The following NHLRC2 variants were observed in gnomAD, a reference collection of about 807,000 sequenced individuals.
NHLRC2 encodes NHL repeat-containing protein 2.
Under a neutral mutation model 68.1 loss-of-function variants are expected in NHLRC2, and 33 were observed. The observed-to-expected ratio is 0.48, with a 90% CI of 0.37 to 0.65. The LOEUF (loss-of-function observed/expected upper bound fraction) is 0.65. Ranked by LOEUF, NHLRC2 falls within the 30% of genes least tolerant of loss-of-function variation. NHLRC2 has a pLI of 0.00. For synonymous variants in NHLRC2, 311 were observed against 309.6 expected, an observed-to-expected ratio of 1.00 and a Z score of -0.05; for missense variants, 761 against 853.8, an observed-to-expected ratio of 0.89 and a Z score of 1.35.
intron 3 of NHLRC2, among the ~76,000 whole-genome samples, chr10:113,879,038 ACT>A (rs1846012050): frequency 6.6e-6 from 1 of 152,084 alleles, no homozygotes; most frequent in Admixed American, 6.6e-5. Flanking sequence ...GACTAGAATC[ACT>A]CTCTCTTACA....
At position 113,876,514 on chromosome 10, in the gene NHLRC2, C is replaced by G; in HGVS notation, c.332-7C>G. On this transcript the variant is annotated splice_polypyrimidine_tract_variant and splice_region_variant and intron_variant, in intron 2 of 10. Transcript: ENST00000369301. Reference sequence around the variant, plus strand: ...ATAATGTTTAACATATAATTTTTTCCTTTCAGATGGTCTTCTTATTATTGG... The same window carrying G: ...ATAATGTTTAACATATAATTTTTTCGTTTCAGATGGTCTTCTTATTATTGG... 1 of 1,522,526 alleles carries G rather than the reference C, an allele frequency of 6.6e-7. No individual in the cohort carries two copies. The highest frequency in any genetic ancestry group is 8.9e-7 in the Non-Finnish European group (1 of 1,123,514). The allele number at this position is 1,522,526 out of a possible 1,614,324, so 94.3% of individuals were successfully genotyped here. A position where few individuals can be genotyped will look rare whatever the true frequency, so the allele number is the denominator to read the frequency against.
chr10:113,870,506 G>A (rs187664897), intron 2 of NHLRC2, among the ~76,000 whole-genome samples: 10 of 152,162 alleles, frequency 6.6e-5, no homozygotes, highest in East Asian at 3.9e-4. Context: ...ATAGTACTCC[G>A]CTATATGTGT....
intron 4 of NHLRC2, among the ~76,000 whole-genome samples, chr10:113,881,276 C>T (rs1360471146): frequency 2.0e-5 from 3 of 151,636 alleles, no homozygotes; most frequent in South Asian, 2.1e-4. Flanking sequence ...AATGGGTTTT[C>T]GAGTATTGAC....
At position 113,904,098 on chromosome 10, in the gene NHLRC2, G is replaced by T. The variant is rs918087939; in HGVS notation, c.1704+362G>T. 4.5e-3 allele frequency among the ~76,000 whole-genome samples: 541 copies of T among 120,192 alleles called. 2 individuals are homozygous for T. Among genetic ancestry groups the T allele is most frequent in the African/African-American group, 9.6e-3 (311 of 32,460 alleles). The allele number at this position is 120,192 out of a possible 152,430, so 78.9% of individuals were successfully genotyped here. A position where few individuals can be genotyped will look rare whatever the true frequency, so the allele number is the denominator to read the frequency against. ...TTGGGTTATTTAGCTTATTGTTTTTGTTTTTTTTTTTTTTTCAGTGATCTT... is the reference window on the plus strand; with the variant it reads ...TTGGGTTATTTAGCTTATTGTTTTTTTTTTTTTTTTTTTTTCAGTGATCTT... On this transcript the variant is annotated intron_variant, in intron 9 of 10. Transcript: ENST00000369301.
At chr10:113,878,271 C>CT (rs553131615) in intron 3 of NHLRC2, among the ~76,000 whole-genome samples, 4 of 151,660 alleles carry the variant, frequency 2.6e-5, no homozygotes, top group Non-Finnish European at 4.4e-5. Context: ...AGAACTCTCC[C>CT]TTTTTTTTCA....
Position 113,908,462 on chromosome 10 carries a change from TTCAG to T in NHLRC2, c.2112_2115del (p.Gln705LeufsTer4), listed in dbSNP as rs1165466933. ...TGCTTGTATGATGAAGGCAATTTTG[TTCAG>T]TCAGCCTTTACAAATAACGGATACA... On this transcript the variant is annotated frameshift_variant, in exon 11 of 11. Transcript: ENST00000369301. LOFTEE classifies it high-confidence loss of function. The T allele has an allele frequency of 8.1e-6, 13 of 1,613,900 alleles. No homozygotes were observed. The highest frequency in any genetic ancestry group is 1.3e-5 in the African/African-American group (1 of 74,930).
At chr10:113,866,074 A>T (rs767777973) in intron 2 of NHLRC2, among the ~76,000 whole-genome samples, 6 of 152,234 alleles carry the variant, frequency 3.9e-5, no homozygotes, top group Non-Finnish European at 8.8e-5. Context: ...TATTAATTCA[A>T]AACCTTGAAA....
intron 2 of NHLRC2, among the ~76,000 whole-genome samples, chr10:113,859,613 A>G (rs1022301987): frequency 6.6e-6 from 1 of 152,204 alleles, no homozygotes; most frequent in Non-Finnish European, 1.5e-5. Flanking sequence ...TATTTCTACT[A>G]GCTAAATCCT....
intron 2 of NHLRC2, among the ~76,000 whole-genome samples, chr10:113,862,846 A>G (rs902804158): frequency 6.6e-6 from 1 of 152,200 alleles, no homozygotes; most frequent in Non-Finnish European, 1.5e-5. Context: ...GACATTATAT[A>G]CTAATAAAAA....
chr10:113,877,980 G>A (rs1846000226), intron 3 of NHLRC2, among the ~76,000 whole-genome samples: 1 of 152,136 alleles, frequency 6.6e-6, no homozygotes, highest in African/African-American at 2.4e-5. Flanking sequence ...AATAGATTCT[G>A]TGATTTTCAA....
At chr10:113,891,333 T>G (rs1471432379) in intron 5 of NHLRC2, among the ~76,000 whole-genome samples, 1 of 152,196 alleles carries the variant, frequency 6.6e-6, no homozygotes, top group African/African-American at 2.4e-5. Flanking sequence ...CTGGGGACTA[T>G]CCTCGAGTCT....
intron 10 of NHLRC2, among the ~76,000 whole-genome samples, chr10:113,906,195 T>C (rs1846273698): frequency 6.6e-6 from 1 of 152,204 alleles, no homozygotes; most frequent in Admixed American, 6.5e-5. Context: ...GTACTAATTT[T>C]TAAAATAGGA....
At chr10:113,878,643 T>C (rs1240604663) in intron 3 of NHLRC2, among the ~76,000 whole-genome samples, 1 of 152,210 alleles carries the variant, frequency 6.6e-6, no homozygotes, top group African/African-American at 2.4e-5. Context: ...TTCTCCTGCC[T>C]CAGCCTTCCA....
intron 10 of NHLRC2, among the ~76,000 whole-genome samples, chr10:113,907,683 A>C (rs1352350632): frequency 1.3e-5 from 2 of 152,182 alleles, no homozygotes; most frequent in Non-Finnish European, 2.9e-5. Context: ...AGATATACAA[A>C]ATCTCTTGGT....
chr10:113,881,942 A>G (rs981216602), intron 4 of NHLRC2, among the ~76,000 whole-genome samples: 4 of 151,752 alleles, frequency 2.6e-5, no homozygotes, highest in African/African-American at 9.7e-5. Flanking sequence ...ATTAAATAGA[A>G]TTATATATAT....
In NHLRC2 at chr10:113,854,727, A is replaced by G. The variant is rs1845723190; in HGVS notation, c.-146A>G. ...TGGCACTTGGACCTATGCTTTAAAAAGAAAAAAGTGTCATTGGCGTGGAGT... is the reference window on the plus strand; with the variant it reads ...TGGCACTTGGACCTATGCTTTAAAAGGAAAAAAGTGTCATTGGCGTGGAGT... On this transcript the variant is annotated 5_prime_UTR_variant, in exon 1 of 11. Transcript: ENST00000369301. 3.1e-6 allele frequency: 2 copies of G among 647,886 alleles called. No homozygotes were observed. The highest frequency in any genetic ancestry group is 4.2e-5 in the South Asian group (2 of 47,268). 40.1% of individuals were successfully genotyped at this position (647,886 alleles called of 1,614,324 possible).
chr10:113,858,967 G>A, intron 2 of NHLRC2: 1 of 234,084 alleles, frequency 4.3e-6, no homozygotes, highest in Non-Finnish European at 8.1e-6. Flanking sequence ...AGGTCTTTTT[G>A]TATGTTGAGG....
intron 2 of NHLRC2, among the ~76,000 whole-genome samples, chr10:113,862,476 C>T (rs554536054): frequency 1.6e-3 from 237 of 144,862 alleles, no homozygotes; most frequent in African/African-American, 5.5e-3. Context: ...AAATAAAAAT[C>T]AACTAAACAA....
At chr10:113,885,759 A>G (rs540161729) in intron 5 of NHLRC2, among the ~76,000 whole-genome samples, 202 of 152,182 alleles carry the variant, frequency 1.3e-3, no homozygotes, top group African/African-American at 4.6e-3. Flanking sequence ...GAAATCTACA[A>G]TATGATTTCT....
Sources: allele counts gnomAD v4.1 joint callset (sites outside exome capture counted in the v4.1 genomes callset), GRCh38; gene constraint gnomAD v4.1.1; transcripts MANE v1.5; gene names NCBI Gene and HGNC (gene_info 2026-07-23, HGNC 2026-07-21).